Variants in GUCY2C observed in about 807,000 individuals in gnomAD.
The protein encoded by GUCY2C is guanylyl cyclase C.
A neutral mutation model predicts 131.1 loss-of-function variants in GUCY2C; 118 were observed. The observed-to-expected ratio is 0.90, with a 90% CI of 0.78 to 1.05. The LOEUF (loss-of-function observed/expected upper bound fraction) is 1.05, where lower values mean the gene tolerates loss of function less well. GUCY2C is among the 50% of genes least tolerant of loss of function. The pLI, the probability that GUCY2C is intolerant of heterozygous loss-of-function variation, is 0.00. For missense variants in GUCY2C, 1,161 were observed against 1,304.4 expected (o/e 0.89, Z 1.69); for synonymous variants, 452 against 457.8 (o/e 0.99, Z 0.16).
intron 19 of GUCY2C, among the ~76,000 whole-genome samples, chr12:14,631,555 C>T (rs1377185138): frequency 3.3e-5 from 5 of 152,000 alleles, no homozygotes; most frequent in Admixed American, 6.6e-5. Flanking sequence ...ACAAAGGACA[C>T]GAGCTCATCA....
At position 14,690,312 on chromosome 12, in the gene GUCY2C, C is replaced by T. The variant is rs536478907; in HGVS notation, c.218-2249G>A. Among the ~76,000 whole-genome samples, 7 of 152,306 alleles carry T rather than the reference C, an allele frequency of 4.6e-5. No homozygotes were observed. In the East Asian group the frequency reaches 5.8e-4, roughly 13 times the overall value. The stretch of plus-strand genomic sequence containing the variant: ...TTTCCTCTATGGGCTACTCCCAAAG[C>T]CAAAGTGAATTATGTTCATCCTGGC... On this transcript the variant is annotated intron_variant, in intron 1 of 26. Transcript: ENST00000261170.
intron 12 of GUCY2C, 125 bp downstream of exon 12, chr12:14,656,387 A>C: frequency 3.2e-6 from 2 of 618,228 alleles, no homozygotes; most frequent in East Asian, 5.1e-5. Flanking sequence ...GAAAATTAGA[A>C]AGCATCTAAG....
chr12:14,689,538 C>A (rs1948538594), intron 1 of GUCY2C, among the ~76,000 whole-genome samples: 1 of 152,170 alleles, frequency 6.6e-6, no homozygotes, highest in Non-Finnish European at 1.5e-5. Flanking sequence ...AAAGGGGTGT[C>A]TTGGTCAGTT....
At chr12:14,623,467 C>T (rs182696143) in intron 21 of GUCY2C, among the ~76,000 whole-genome samples, 10 of 152,304 alleles carry the variant, frequency 6.6e-5, no homozygotes, top group East Asian at 1.9e-4. Flanking sequence ...CCTAGGTACA[C>T]GACTGGAGTG....
chr12:14,656,508 T>C lies in GUCY2C; in HGVS notation c.1470+4A>G, dbSNP rs745944143. The C allele has an allele frequency of 6.1e-6, 9 of 1,469,046 alleles. No homozygotes were observed. Among genetic ancestry groups the C allele is most frequent in the Non-Finnish European group, 7.6e-6 (8 of 1,048,702 alleles). The allele number at this position is 1,469,046 out of a possible 1,614,324, so 91.0% of individuals were successfully genotyped here. ...CATTCTTCAACAGGTAAGGTAGGCT[T>C]TACCTTGAGGCTAACATGATTGGTC... On this transcript the variant is annotated splice_donor_region_variant and intron_variant, in intron 12 of 26. Coordinates refer to ENST00000261170, the MANE Select transcript of GUCY2C (RefSeq NM_004963.4).
chr12:14,682,730 T>C (rs899974430), intron 4 of GUCY2C, among the ~76,000 whole-genome samples: 11 of 152,242 alleles, frequency 7.2e-5, no homozygotes, highest in African/African-American at 2.7e-4. Flanking sequence ...ATTTTCCTTG[T>C]CTATAAAATA....
intron 21 of GUCY2C, 123 bp downstream of exon 21, chr12:14,625,634 T>A (rs1946998059): frequency 2.0e-6 from 2 of 982,794 alleles, no homozygotes; most frequent in South Asian, 3.3e-5. Flanking sequence ...TGCCTGGCAG[T>A]ACGTGCATTT....
At chr12:14,641,045 A>T in intron 18 of GUCY2C, 37 bp downstream of exon 18, 1 of 1,602,602 alleles carries the variant, frequency 6.2e-7, no homozygotes. Flanking sequence ...AGGTTGGCTC[A>T]CTCCCAGAGG....
chr12:14,661,798 G>A (rs1304561059), intron 10 of GUCY2C, among the ~76,000 whole-genome samples: 3 of 152,174 alleles, frequency 2.0e-5, no homozygotes, highest in African/African-American at 7.2e-5. Flanking sequence ...AGAATATTAA[G>A]TGACAGTGTT....
chr12:14,683,977 C>G (rs1409576503), intron 3 of GUCY2C, among the ~76,000 whole-genome samples: 3 of 152,178 alleles, frequency 2.0e-5, no homozygotes, highest in Non-Finnish European at 4.4e-5. Context: ...CTTCAAATAT[C>G]TTTGCAGTTA....
chr12:14,668,390 C>T (rs369614482), intron 10 of GUCY2C, among the ~76,000 whole-genome samples: 14 of 152,208 alleles, frequency 9.2e-5, no homozygotes, highest in African/African-American at 2.6e-4. Flanking sequence ...AGGCTGGTCT[C>T]GAACTGCTGA....
chr12:14,638,640 G>T (rs564661893), intron 19 of GUCY2C, among the ~76,000 whole-genome samples: 1 of 152,282 alleles, frequency 6.6e-6, no homozygotes, highest in South Asian at 2.1e-4. Context: ...TCTCACTCAT[G>T]CAGGGGCTGA....
At position 14,636,182 on chromosome 12, in the gene GUCY2C, C is replaced by T. The variant is rs142647977; in HGVS notation, c.2157+3680G>A. 1.5e-3 allele frequency among the ~76,000 whole-genome samples: 232 copies of T among 152,154 alleles called. 1 individual carries two copies. The highest frequency in any genetic ancestry group is 5.5e-3 in the African/African-American group (228 of 41,514). On this transcript the variant is annotated intron_variant, in intron 19 of 26. Transcript: ENST00000261170. Reference sequence around the variant, plus strand: ...ACTATGGGTCAATATCCCTGAGGAACATAGATGCAAAAATCCTCCAAGAAA... The same window carrying T: ...ACTATGGGTCAATATCCCTGAGGAATATAGATGCAAAAATCCTCCAAGAAA...
In GUCY2C at chr12:14,640,837, G is replaced by A. The variant is rs184535533; in HGVS notation, c.2068+245C>T. ...AAAAGGAAAGAGGACAATTGTAAAC[G>A]AAGATTGTTAACAATGATACTGACA... On this transcript the variant is annotated intron_variant, in intron 18 of 26. Transcript: ENST00000261170. Among the ~76,000 whole-genome samples, 21 of 152,304 alleles carry A rather than the reference G, an allele frequency of 1.4e-4. No homozygotes were observed. In the East Asian group the frequency reaches 1.9e-3, roughly 14 times the overall value.
chr12:14,625,406 C>T (rs1038210672), intron 21 of GUCY2C, among the ~76,000 whole-genome samples: 9 of 150,550 alleles, frequency 6.0e-5, no homozygotes, highest in Admixed American at 1.3e-4. Flanking sequence ...TGGCTCACTG[C>T]AACCTCCGCA....
chr12:14,661,613 A>AT (rs1168117601), intron 10 of GUCY2C, among the ~76,000 whole-genome samples: 8 of 151,632 alleles, frequency 5.3e-5, no homozygotes, highest in East Asian at 1.9e-4. Context: ...TAATTTTTGT[A>AT]TTTTTTGTAG....
At chr12:14,620,826 G>A (rs944335313) in intron 23 of GUCY2C, among the ~76,000 whole-genome samples, 3 of 152,198 alleles carry the variant, frequency 2.0e-5, no homozygotes, top group Non-Finnish European at 4.4e-5. Context: ...CATGTCAGCA[G>A]TCAGTGGTGC....
At chr12:14,670,779 C>T (rs1432517830) in intron 9 of GUCY2C, among the ~76,000 whole-genome samples, 1 of 151,808 alleles carries the variant, frequency 6.6e-6, no homozygotes, top group Non-Finnish European at 1.5e-5. Context: ...GAGGCCTCCC[C>T]AGCCTCGCTG....
chr12:14,659,769 C>T (rs114297111), intron 11 of GUCY2C, among the ~76,000 whole-genome samples: 2 of 152,288 alleles, frequency 1.3e-5, no homozygotes, highest in African/African-American at 4.8e-5. Flanking sequence ...AGTTTTCTTG[C>T]ATAGGCTGTT....
Sources: allele counts gnomAD v4.1 joint callset (sites outside exome capture counted in the v4.1 genomes callset), GRCh38; gene constraint gnomAD v4.1.1; transcripts MANE v1.5; gene names NCBI Gene and HGNC (gene_info 2026-07-23, HGNC 2026-07-21).